SDC2: variants seen among roughly 807,000 people sequenced by gnomAD.
SDC2 encodes the protein syndecan-2.
In SDC2, 13 loss-of-function variants were observed where a neutral mutation model predicts 22.2. The ratio of observed to expected loss-of-function variants is 0.59; its 90% CI spans 0.38 to 0.93. The LOEUF is 0.93. Among genes scored for constraint, SDC2 ranks in the 40% least tolerant of loss-of-function variants. The pLI, the probability that SDC2 is intolerant of heterozygous loss-of-function variation, is 0.00. For missense variants in SDC2, 235 were observed against 246.8 expected (o/e 0.95, Z 0.32); for synonymous variants, 94 against 92.8 (o/e 1.01, Z -0.07).
At chr8:96,521,033 C>T (rs1813489762) in intron 1 of SDC2, among the ~76,000 whole-genome samples, 2 of 152,150 alleles carry the variant, frequency 1.3e-5, no homozygotes, top group African/African-American at 4.8e-5. Flanking sequence ...GATCAAGAAG[C>T]AGAGGCTCAG....
In SDC2 at chr8:96,584,394, G is replaced by A. The variant is rs187039590; in HGVS notation, c.61-9086G>A. Among the ~76,000 whole-genome samples, 233 of 152,328 alleles carry A rather than the reference G, an allele frequency of 1.5e-3. 1 individual carries two copies. Among genetic ancestry groups the A allele is most frequent in the African/African-American group, 5.4e-3 (224 of 41,570 alleles). ...TGGTTATGCCTTGGGGCCTAGAATT[G>A]TAGCAGTTGAAAAACCCTTAAAGTG... On this transcript the variant is annotated intron_variant, in intron 1 of 4. Coordinates refer to ENST00000302190, the MANE Select transcript of SDC2 (RefSeq NM_002998.4).
intron 1 of SDC2, among the ~76,000 whole-genome samples, chr8:96,541,568 A>G (rs981467585): frequency 5.9e-5 from 9 of 151,834 alleles, no homozygotes; most frequent in South Asian, 2.1e-4. Context: ...AGGACGTTAT[A>G]CTAAGTGAAA....
chr8:96,573,459 C>T (rs941449620), intron 1 of SDC2, among the ~76,000 whole-genome samples: 14 of 151,694 alleles, frequency 9.2e-5, no homozygotes, highest in African/African-American at 2.7e-4. Flanking sequence ...ATACCTGCGG[C>T]GTTGGATGCT....
chr8:96,533,319 A>G (rs1458016970), intron 1 of SDC2, among the ~76,000 whole-genome samples: 1 of 152,142 alleles, frequency 6.6e-6, no homozygotes, highest in Non-Finnish European at 1.5e-5. Flanking sequence ...TGATTGGTCC[A>G]TTTTACAGAA....
At chr8:96,517,740 T>G (rs1271288271) in intron 1 of SDC2, among the ~76,000 whole-genome samples, 2 of 120,792 alleles carry the variant, frequency 1.7e-5, no homozygotes, top group African/African-American at 3.7e-5. Flanking sequence ...TATATATGTG[T>G]GTGCATAAAT....
intron 1 of SDC2, among the ~76,000 whole-genome samples, chr8:96,549,735 A>G (rs1299691850): frequency 6.6e-6 from 1 of 152,208 alleles, no homozygotes; most frequent in Non-Finnish European, 1.5e-5. Flanking sequence ...CATATTTCCA[A>G]ATGCCTTTGT....
Position 96,609,976 on chromosome 8 carries a change from C to G in SDC2, c.*428C>G, listed in dbSNP as rs986878853. ...CTCCTCTGCCCTCCCTTCTTGTGCC[C>G]TTAAAACCAAACCCTATGCCTTTTG... is the stretch of plus-strand genomic sequence containing the variant. On this transcript the variant is annotated 3_prime_UTR_variant, in exon 5 of 5. Coordinates refer to ENST00000302190, the MANE Select transcript of SDC2 (RefSeq NM_002998.4). The G allele has an allele frequency of 6.5e-6, 1 of 153,378 alleles. No individual in the cohort carries two copies. Among genetic ancestry groups the G allele is most frequent in the African/African-American group, 2.4e-5 (1 of 41,472 alleles). 9.5% of individuals were successfully genotyped at this position (153,378 alleles called of 1,614,324 possible).
intron 1 of SDC2, among the ~76,000 whole-genome samples, chr8:96,553,382 C>CA (rs1814057143): frequency 6.6e-6 from 1 of 151,328 alleles, no homozygotes; most frequent in South Asian, 2.1e-4. Flanking sequence ...AAGATACCTA[C>CA]AGCATATTGT....
chr8:96,515,988 C>T (rs959575379), intron 1 of SDC2, among the ~76,000 whole-genome samples: 6 of 152,176 alleles, frequency 3.9e-5, no homozygotes, highest in Non-Finnish European at 8.8e-5. Flanking sequence ...AAGGGGAGCC[C>T]TTCCAGGCTG....
At chr8:96,511,298 G>T (rs1360318115) in intron 1 of SDC2, among the ~76,000 whole-genome samples, 3 of 152,172 alleles carry the variant, frequency 2.0e-5, no homozygotes, top group Admixed American at 6.5e-5. Context: ...AGGATTAGAG[G>T]CTGCTGCTCT....
At chr8:96,519,729 G>A (rs1447644287) in intron 1 of SDC2, among the ~76,000 whole-genome samples, 1 of 151,496 alleles carries the variant, frequency 6.6e-6, no homozygotes, top group Admixed American at 6.6e-5. Context: ...CTCTCCTCCC[G>A]GGTTCAAGCG....
intron 1 of SDC2, among the ~76,000 whole-genome samples, chr8:96,577,504 A>G (rs1240390280): frequency 2.6e-5 from 4 of 151,438 alleles, no homozygotes; most frequent in Non-Finnish European, 4.4e-5. Flanking sequence ...CCCCCATTTC[A>G]CCTCTTACTG....
At chr8:96,592,026 C>T (rs903691983) in intron 1 of SDC2, among the ~76,000 whole-genome samples, 8 of 152,156 alleles carry the variant, frequency 5.3e-5, no homozygotes, top group African/African-American at 1.9e-4. Flanking sequence ...CGTCAGATTG[C>T]AGAGTTAAGC....
At chr8:96,547,434 A>C (rs185786028) in intron 1 of SDC2, among the ~76,000 whole-genome samples, 1 of 152,330 alleles carries the variant, frequency 6.6e-6, no homozygotes, top group East Asian at 1.9e-4. Flanking sequence ...CCTTCGCACC[A>C]ACGCTGTCCA....
chr8:96,606,707 C>T (rs1487127367), intron 3 of SDC2, among the ~76,000 whole-genome samples: 1 of 151,908 alleles, frequency 6.6e-6, no homozygotes, highest in African/African-American at 2.4e-5. Context: ...ATCAGCGTAA[C>T]CTTGGGTGAT....
intron 1 of SDC2, among the ~76,000 whole-genome samples, chr8:96,587,611 A>G (rs919900194): frequency 3.9e-5 from 6 of 152,198 alleles, no homozygotes; most frequent in Non-Finnish European, 8.8e-5. Context: ...TCTTCCATGT[A>G]GGAAATTTGA....
intron 1 of SDC2, among the ~76,000 whole-genome samples, chr8:96,587,279 G>C (rs1402253404): frequency 1.3e-5 from 2 of 152,124 alleles, no homozygotes; most frequent in Admixed American, 6.5e-5. Flanking sequence ...TTTCTTTCAT[G>C]TGTGACCTCA....
chr8:96,540,185 G>T (rs924375568), intron 1 of SDC2, among the ~76,000 whole-genome samples: 2 of 151,224 alleles, frequency 1.3e-5, no homozygotes, highest in South Asian at 2.1e-4. Flanking sequence ...CCCCCGCCCC[G>T]CCAGCTACAG....
intron 1 of SDC2, among the ~76,000 whole-genome samples, chr8:96,572,839 G>A (rs1469356174): frequency 2.0e-5 from 3 of 152,198 alleles, no homozygotes; most frequent in South Asian, 2.1e-4. Flanking sequence ...ATTGCAGTAG[G>A]TTTATATGAA....
Sources: allele counts gnomAD v4.1 joint callset (sites outside exome capture counted in the v4.1 genomes callset), GRCh38; gene constraint gnomAD v4.1.1; transcripts MANE v1.5; gene names NCBI Gene and HGNC (gene_info 2026-07-23, HGNC 2026-07-21).